Variants in ADAMTSL1 observed in about 807,000 individuals in gnomAD.
ADAMTSL1 encodes the protein ADAMTS-like protein 1.
ADAMTSL1 carries 126 observed loss-of-function variants against 201.8 expected under a neutral mutation model. The observed-to-expected ratio is 0.62, with a 90% CI of 0.54 to 0.72. The LOEUF is 0.72. ADAMTSL1 is among the 30% of genes least tolerant of loss of function. The pLI is 0.00. For missense variants in ADAMTSL1, 2,679 were observed against 2,277.8 expected (o/e 1.18, Z -3.59); for synonymous variants, 1,121 against 903.4 (o/e 1.24, Z -4.32).
chr9:18,241,824 G>T (rs920229628), intron 2 of ADAMTSL1, among the ~76,000 whole-genome samples: 1 of 151,964 alleles, frequency 6.6e-6, no homozygotes, highest in Non-Finnish European at 1.5e-5. Flanking sequence ...GAATCAGGAA[G>T]AAATAGAAAT....
chr9:18,358,256 C>T (rs80029198), intron 2 of ADAMTSL1, among the ~76,000 whole-genome samples: 12,565 of 152,244 alleles, frequency 0.083, 708 homozygotes, highest in Non-Finnish European at 0.12. Flanking sequence ...TATTTCCCCA[C>T]ATATTGAACT....
intron 1 of ADAMTSL1, among the ~76,000 whole-genome samples, chr9:18,122,071 G>T (rs970480643): frequency 1.8e-4 from 27 of 152,156 alleles, no homozygotes; most frequent in African/African-American, 6.0e-4. Context: ...TGCCTTTTAT[G>T]ATATGTGACC....
intron 1 of ADAMTSL1, among the ~76,000 whole-genome samples, chr9:18,499,345 C>G (rs1406089993): frequency 6.6e-6 from 1 of 152,220 alleles, no homozygotes; most frequent in Non-Finnish European, 1.5e-5. Context: ...TGTCTGTGAG[C>G]TCTCAGGAGC....
chr9:18,023,160 G>A (rs1462583370), intron 1 of ADAMTSL1, among the ~76,000 whole-genome samples: 4 of 151,122 alleles, frequency 2.6e-5, no homozygotes, highest in Non-Finnish European at 5.9e-5. Context: ...GTATATGTAT[G>A]TCTGCGAAAG....
At chr9:17,987,679 T>C (rs1818984529) in intron 1 of ADAMTSL1, among the ~76,000 whole-genome samples, 1 of 152,104 alleles carries the variant, frequency 6.6e-6, no homozygotes, top group Admixed American at 6.6e-5. Flanking sequence ...CATCACATTC[T>C]TTTAGAACTC....
intron 7 of ADAMTSL1, among the ~76,000 whole-genome samples, chr9:18,640,924 C>G (rs1827397386): frequency 6.6e-6 from 1 of 152,010 alleles, no homozygotes; most frequent in Non-Finnish European, 1.5e-5. Flanking sequence ...TCCTAAAATC[C>G]CTTTCCTAAT....
chr9:18,794,192 T>G (rs12351878), intron 19 of ADAMTSL1, among the ~76,000 whole-genome samples: 23,421 of 152,096 alleles, frequency 0.15, 1,999 homozygotes, highest in Admixed American at 0.25. Context: ...GAGGATCACA[T>G]GAGCCCAGGA....
chr9:18,152,253 A>T (rs1826947900), intron 1 of ADAMTSL1, among the ~76,000 whole-genome samples: 1 of 152,020 alleles, frequency 6.6e-6, no homozygotes. Flanking sequence ...AGGGGAGATT[A>T]TAGGTGCTTG....
chr9:18,757,499 CAT>C (rs1819840576), intron 16 of ADAMTSL1, among the ~76,000 whole-genome samples: 1 of 152,106 alleles, frequency 6.6e-6, no homozygotes, highest in South Asian at 2.1e-4. Context: ...AAAGCCAGTA[CAT>C]GTCTTGTTCA....
At position 18,034,689 on chromosome 9, in the gene ADAMTSL1, A is replaced by G. The variant is rs146903087; in HGVS notation, c.87+127767A>G. Among the ~76,000 whole-genome samples, 537 of 152,164 alleles carry G rather than the reference A, an allele frequency of 3.5e-3. 3 individuals are homozygous for G. Among genetic ancestry groups the G allele is most frequent in the African/African-American group, 0.012 (495 of 41,524 alleles). Reference sequence around the variant, plus strand: ...TTTTACCTGTGTCATTCGTGCCTTCATTTTTATTCTTACTTTCTCTACTCT... The same window carrying G: ...TTTTACCTGTGTCATTCGTGCCTTCGTTTTTATTCTTACTTTCTCTACTCT... On this transcript the variant is annotated intron_variant, in intron 1 of 29. Transcript: ENST00000680146.
intron 21 of ADAMTSL1, among the ~76,000 whole-genome samples, chr9:18,823,934 G>A (rs1490609375): frequency 1.3e-5 from 2 of 152,004 alleles, no homozygotes; most frequent in Admixed American, 6.6e-5. Flanking sequence ...AGGCTGCAGT[G>A]AGCCGAGATC....
At chr9:18,137,109 C>G (rs1215708280) in intron 1 of ADAMTSL1, among the ~76,000 whole-genome samples, 3 of 152,124 alleles carry the variant, frequency 2.0e-5, no homozygotes, top group Non-Finnish European at 4.4e-5. Flanking sequence ...GGCATACAGT[C>G]AGGGATGAAA....
intron 1 of ADAMTSL1, among the ~76,000 whole-genome samples, chr9:18,037,410 G>A (rs1295264855): frequency 3.9e-5 from 6 of 152,162 alleles, no homozygotes; most frequent in African/African-American, 1.4e-4. Context: ...TCAGTCTGGA[G>A]GTAGAGATGG....
intron 2 of ADAMTSL1, among the ~76,000 whole-genome samples, chr9:18,444,617 G>A (rs1459038244): frequency 6.6e-6 from 1 of 152,094 alleles, no homozygotes; most frequent in Non-Finnish European, 1.5e-5. Context: ...AGTTTCTATT[G>A]TAAGAATATT....
chr9:18,904,685 T>G (rs1830199085), intron 26 of ADAMTSL1, among the ~76,000 whole-genome samples: 2 of 138,302 alleles, frequency 1.4e-5, no homozygotes, highest in African/African-American at 2.6e-5. Context: ...TCCGTTTATG[T>G]GTATTTTACG....
intron 2 of ADAMTSL1, among the ~76,000 whole-genome samples, chr9:18,442,129 CA>C (rs1197906221): frequency 3.3e-5 from 5 of 152,090 alleles, no homozygotes; most frequent in Non-Finnish European, 2.9e-5. Context: ...AGATGAAATT[CA>C]AAATATCTTC....
intron 1 of ADAMTSL1, among the ~76,000 whole-genome samples, chr9:17,992,057 C>G (rs576770734): frequency 3.2e-4 from 49 of 152,234 alleles, no homozygotes; most frequent in African/African-American, 1.1e-3. Context: ...TCCCACCTAC[C>G]TGATGTTTAT....
intron 1 of ADAMTSL1, among the ~76,000 whole-genome samples, chr9:18,090,785 G>A (rs1823978274): frequency 6.6e-6 from 1 of 152,138 alleles, no homozygotes; most frequent in Non-Finnish European, 1.5e-5. Context: ...TAACTGGAAA[G>A]TCATTCCCAT....
At chr9:18,161,457 T>A (rs1035472458) in intron 1 of ADAMTSL1, among the ~76,000 whole-genome samples, 2 of 152,096 alleles carry the variant, frequency 1.3e-5, no homozygotes, top group African/African-American at 4.8e-5. Flanking sequence ...TAGCCTTGGA[T>A]TTTTGAAGAA....
Sources: gnomAD v4.1 joint callset for allele counts (sites outside exome capture counted in the v4.1 genomes callset) on GRCh38, gnomAD v4.1.1 for gene constraint, MANE v1.5 for transcripts, NCBI Gene and HGNC (gene_info 2026-07-23, HGNC 2026-07-21) for gene names.